DLG2: variants seen among roughly 807,000 people sequenced by gnomAD.
DLG2 encodes disks large homolog 2.
Under a neutral mutation model 132.5 loss-of-function variants are expected in DLG2, and 45 were observed. The ratio of observed to expected loss-of-function variants is 0.34; its 90% CI spans 0.27 to 0.44. The LOEUF is 0.44. DLG2 is among the 20% of genes least tolerant of loss of function. DLG2 has a pLI of 1.00. For missense variants in DLG2, 1,045 were observed against 1,196.9 expected (o/e 0.87, Z 1.87); for synonymous variants, 424 against 419.6 (o/e 1.01, Z -0.13).
intron 4 of DLG2, among the ~76,000 whole-genome samples, chr11:85,230,025 T>C (rs962524192): frequency 3.3e-5 from 5 of 152,056 alleles, no homozygotes; most frequent in African/African-American, 1.2e-4. Flanking sequence ...AAATACCTAA[T>C]GTAGATGATG....
At chr11:83,972,276 A>T (rs1237413598) in intron 12 of DLG2, among the ~76,000 whole-genome samples, 2 of 152,154 alleles carry the variant, frequency 1.3e-5, no homozygotes, top group Non-Finnish European at 2.9e-5. Context: ...GTCAGTTAAC[A>T]TATTTACTAA....
At chr11:84,480,093 T>C (rs2099132676) in intron 7 of DLG2, among the ~76,000 whole-genome samples, 1 of 152,164 alleles carries the variant, frequency 6.6e-6, no homozygotes, top group Non-Finnish European at 1.5e-5. Context: ...TATTTCATGG[T>C]CATGCTGTGC....
intron 6 of DLG2, among the ~76,000 whole-genome samples, chr11:84,579,755 G>A (rs76571324): frequency 0.019 from 2,822 of 152,306 alleles, 44 homozygotes; most frequent in Non-Finnish European, 0.028. Flanking sequence ...GAAGTAGGTA[G>A]AAGAACAGAC....
At chr11:85,168,783 T>C (rs2078639628) in intron 4 of DLG2, among the ~76,000 whole-genome samples, 2 of 152,198 alleles carry the variant, frequency 1.3e-5, no homozygotes, top group South Asian at 2.1e-4. Flanking sequence ...TAGTTGTTTA[T>C]GGTAGCTGGT....
intron 3 of DLG2, among the ~76,000 whole-genome samples, chr11:85,335,134 A>C (rs1285311965): frequency 6.6e-6 from 1 of 152,066 alleles, no homozygotes; most frequent in African/African-American, 2.4e-5. Context: ...TAGGATAGTT[A>C]AGTCTTCTCG....
At chr11:83,707,057 C>T (rs146597937) in intron 18 of DLG2, among the ~76,000 whole-genome samples, 1 of 152,278 alleles carries the variant, frequency 6.6e-6, no homozygotes, top group African/African-American at 2.4e-5. Context: ...ACTTTTATCT[C>T]TATTTATATA....
At chr11:84,789,333 T>G (rs1358101116) in intron 6 of DLG2, among the ~76,000 whole-genome samples, 1 of 152,220 alleles carries the variant, frequency 6.6e-6, no homozygotes, top group Non-Finnish European at 1.5e-5. Flanking sequence ...AAGACTCACT[T>G]ACTGTTTATC....
intron 6 of DLG2, among the ~76,000 whole-genome samples, chr11:84,535,922 T>C (rs977930810): frequency 6.6e-6 from 1 of 151,704 alleles, no homozygotes; most frequent in Non-Finnish European, 1.5e-5. Context: ...TGTCCCATTA[T>C]TGTTATCATC....
chr11:83,971,559 T>C (rs1385543183), intron 12 of DLG2, among the ~76,000 whole-genome samples: 7 of 152,122 alleles, frequency 4.6e-5, no homozygotes, highest in Non-Finnish European at 7.3e-5. Context: ...GATGGCAAGA[T>C]ACTGACCTTT....
chr11:83,887,773 T>A (rs2068367955), intron 15 of DLG2, among the ~76,000 whole-genome samples: 1 of 150,260 alleles, frequency 6.7e-6, no homozygotes, highest in African/African-American at 2.5e-5. Context: ...GCTTCATCCC[T>A]GGGATGCAAG....
chr11:84,622,953 CTA>C (rs1270861358), intron 6 of DLG2, among the ~76,000 whole-genome samples: 1 of 152,106 alleles, frequency 6.6e-6, no homozygotes, highest in Admixed American at 6.5e-5. Context: ...TATCATTGTG[CTA>C]TCCCTTACAT....
chr11:85,223,223 G>C (rs894933146), intron 4 of DLG2, among the ~76,000 whole-genome samples: 1 of 152,156 alleles, frequency 6.6e-6, no homozygotes, highest in Non-Finnish European at 1.5e-5. Flanking sequence ...AATGCCATGA[G>C]AATTTCCAAA....
At chr11:83,580,813 G>A (rs573389914) in intron 19 of DLG2, among the ~76,000 whole-genome samples, 24 of 12,876 alleles carry the variant, frequency 1.9e-3, no homozygotes, top group African/African-American at 6.8e-3. Flanking sequence ...CCCCTGCCCC[G>A]CCAGGCTTCC....
intron 18 of DLG2, among the ~76,000 whole-genome samples, chr11:83,687,629 G>T (rs918138896): frequency 5.9e-5 from 9 of 151,600 alleles, no homozygotes; most frequent in African/African-American, 2.2e-4. Flanking sequence ...GATTTTTTTC[G>T]TAAATTTTTA....
intron 6 of DLG2, among the ~76,000 whole-genome samples, chr11:84,582,733 T>C (rs2099519657): frequency 6.6e-6 from 1 of 152,094 alleles, no homozygotes; most frequent in African/African-American, 2.4e-5. Flanking sequence ...GACTTTACAA[T>C]CTTCCTACTA....
At chr11:85,165,691 A>C (rs183026498) in intron 4 of DLG2, among the ~76,000 whole-genome samples, 22 of 152,322 alleles carry the variant, frequency 1.4e-4, no homozygotes, top group Non-Finnish European at 2.9e-5. Context: ...TTTAATGATC[A>C]AACTGGTTTT....
intron 3 of DLG2, among the ~76,000 whole-genome samples, chr11:85,336,879 A>T (rs2082171441): frequency 6.6e-6 from 1 of 152,204 alleles, no homozygotes; most frequent in African/African-American, 2.4e-5. Context: ...TTTCTCACAA[A>T]TCACCTTTTA....
At chr11:84,836,342 C>T (rs963614344) in intron 6 of DLG2, among the ~76,000 whole-genome samples, 2 of 151,612 alleles carry the variant, frequency 1.3e-5, no homozygotes, top group Non-Finnish European at 2.9e-5. Flanking sequence ...TGCCAATGTA[C>T]CCGTCACTTA....
chr11:83,654,115 T>A (rs375356996), intron 18 of DLG2, among the ~76,000 whole-genome samples: 3 of 152,164 alleles, frequency 2.0e-5, no homozygotes, highest in African/African-American at 7.2e-5. Context: ...GTCTGGAAGT[T>A]CTTAAAGCAG....
Sources: allele counts gnomAD v4.1 joint callset (sites outside exome capture counted in the v4.1 genomes callset), GRCh38; gene constraint gnomAD v4.1.1; transcripts MANE v1.5; gene names NCBI Gene and HGNC (gene_info 2026-07-23, HGNC 2026-07-21).